The following SRGAP1 variants were observed in gnomAD, a reference collection of about 807,000 sequenced individuals.
The protein encoded by SRGAP1 is SLIT-ROBO Rho GTPase activating protein 1.
Under a neutral mutation model 121.9 loss-of-function variants are expected in SRGAP1, and 43 were observed. That is an observed-to-expected ratio of 0.35 (90% CI 0.28 to 0.46). The LOEUF (loss-of-function observed/expected upper bound fraction) is 0.46. Ranked by LOEUF, SRGAP1 falls within the 20% of genes least tolerant of loss-of-function variation. SRGAP1 has a pLI of 1.00. For missense variants in SRGAP1, 1,102 were observed against 1,350.9 expected (o/e 0.82, Z 2.89); for synonymous variants, 447 against 485.4 (o/e 0.92, Z 1.04).
Position 64,097,224 on chromosome 12 carries a change from T to TC in SRGAP1, c.1679-17_1679-16insC. Reference sequence around the variant, plus strand: ...AAGAAGCACTGTTAATGTAATGAGTTTTTTTTTTTTTTTTAGGTGAAAATC... The same window carrying TC: ...AAGAAGCACTGTTAATGTAATGAGTTCTTTTTTTTTTTTTTAGGTGAAAATC... On this transcript the variant is annotated splice_polypyrimidine_tract_variant and intron_variant, in intron 14 of 21. Coordinates refer to ENST00000355086, the MANE Select transcript of SRGAP1 (RefSeq NM_020762.4). 1.0e-6 allele frequency: 1 copy of TC among 994,758 alleles called. No homozygotes were observed. The highest frequency in any genetic ancestry group is 1.7e-5 in the African/African-American group (1 of 60,428). The allele number at this position is 994,758 out of a possible 1,614,324, so 61.6% of individuals were successfully genotyped here. A position where few individuals can be genotyped will look rare whatever the true frequency, so the allele number is the denominator to read the frequency against.
intron 1 of SRGAP1, among the ~76,000 whole-genome samples, chr12:63,914,272 C>G (rs1158331087): frequency 6.6e-6 from 1 of 152,144 alleles, no homozygotes. Context: ...TCACTTTTCC[C>G]TTCCAAATTC....
rs573510820 is a variant in SRGAP1 at position 63,877,197 on chromosome 12, T to C, written c.67+32314T>C. Among the ~76,000 whole-genome samples, 6 of 152,218 alleles carry C rather than the reference T, an allele frequency of 3.9e-5. 1 individual carries two copies. In the South Asian group the frequency reaches 1.0e-3, roughly 26 times the overall value. On this transcript the variant is annotated intron_variant, in intron 1 of 21. Coordinates refer to ENST00000355086, the MANE Select transcript of SRGAP1 (RefSeq NM_020762.4). The stretch of plus-strand genomic sequence containing the variant: ...CGAGATTGCGCCATTACACTCCAGC[T>C]TGGGCAACAAGAGTGAAACTCCATC...
At position 64,068,829 on chromosome 12, in the gene SRGAP1, G is replaced by T. The variant is rs1026047230; in HGVS notation, c.1125+3610G>T. ...GTTCGAGATCAGCCTGGCCAGCATG[G>T]CAAAACGCCGTCTCTACTAAAAATA... On this transcript the variant is annotated intron_variant, in intron 8 of 21. Transcript: ENST00000355086. Among the ~76,000 whole-genome samples, 8 of 151,620 alleles carry T rather than the reference G, an allele frequency of 5.3e-5. 1 individual carries two copies. Among genetic ancestry groups the T allele is most frequent in the African/African-American group, 1.5e-4 (6 of 41,338 alleles).
chr12:64,003,825 A>G (rs757284119), intron 3 of SRGAP1, among the ~76,000 whole-genome samples: 13 of 152,244 alleles, frequency 8.5e-5, no homozygotes, highest in Non-Finnish European at 1.5e-4. Flanking sequence ...CAAATTTGGC[A>G]AATGACATAA....
chr12:64,112,241 GATGTTATGTAGAGCT>G (rs2036441837), intron 17 of SRGAP1, among the ~76,000 whole-genome samples: 1 of 152,086 alleles, frequency 6.6e-6, no homozygotes, highest in African/African-American at 2.4e-5. Flanking sequence ...AAAGGGTTTT[GATGTTATGTAGAGCT>G]ATGTTAACTT....
chr12:64,004,572 A>T (rs1015854066), intron 3 of SRGAP1, among the ~76,000 whole-genome samples: 3 of 152,092 alleles, frequency 2.0e-5, no homozygotes, highest in African/African-American at 7.2e-5. Context: ...GGGTTTCACC[A>T]TGTTGGCCAA....
At chr12:63,885,480 A>C (rs1900347743) in intron 1 of SRGAP1, among the ~76,000 whole-genome samples, 2 of 152,194 alleles carry the variant, frequency 1.3e-5, no homozygotes, top group Non-Finnish European at 1.5e-5. Context: ...TGGAGGCTTC[A>C]TTACATAGGC....
chr12:64,142,783 C>A lies in SRGAP1; in HGVS notation c.*111C>A. The A allele has an allele frequency of 1.4e-6, 2 of 1,423,310 alleles. No individual in the cohort carries two copies. Among genetic ancestry groups the A allele is most frequent in the Non-Finnish European group, 1.9e-6 (2 of 1,060,806 alleles). The allele number at this position is 1,423,310 out of a possible 1,614,324, so 88.2% of individuals were successfully genotyped here. On this transcript the variant is annotated 3_prime_UTR_variant, in exon 22 of 22. Transcript: ENST00000355086. ...TAGTTTTGTGCTTATAACTGGAGAT[C>A]TTTTGGCTTTTCTATGTTGTCGAAT...
chr12:64,151,856 A>G lies in SRGAP1; in HGVS notation c.*9184A>G, dbSNP rs960592765. 2 of 152,212 alleles carry G rather than the reference A, an allele frequency of 1.3e-5. No homozygotes were observed. Among genetic ancestry groups the G allele is most frequent in the African/African-American group, 4.8e-5 (2 of 41,440 alleles). The allele number at this position is 152,212 out of a possible 1,614,324, so 9.4% of individuals were successfully genotyped here. A position where few individuals can be genotyped will look rare whatever the true frequency, so the allele number is the denominator to read the frequency against. ...CACCTTAAGCTCAACAGACCCAAAA[A>G]TTAAACCCACTTTGTTTCATTCCAA... On this transcript the variant is annotated 3_prime_UTR_variant, in exon 22 of 22. Transcript: ENST00000355086.
intron 1 of SRGAP1, among the ~76,000 whole-genome samples, chr12:63,980,596 C>CTTT (rs1289101775): frequency 2.2e-5 from 3 of 136,368 alleles, no homozygotes; most frequent in Admixed American, 1.5e-4. Flanking sequence ...CGAGATGTTT[C>CTTT]TTTTTTTTTT....
At chr12:63,857,130 A>G (rs1592886795) in intron 1 of SRGAP1, among the ~76,000 whole-genome samples, 2 of 149,950 alleles carry the variant, frequency 1.3e-5, no homozygotes, top group South Asian at 4.2e-4. Flanking sequence ...CCCAGGCTGG[A>G]GTGCACTGGC....
intron 1 of SRGAP1, among the ~76,000 whole-genome samples, chr12:63,936,305 A>G (rs2031659957): frequency 6.6e-6 from 1 of 152,232 alleles, no homozygotes; most frequent in Non-Finnish European, 1.5e-5. Context: ...ATAGGTTATT[A>G]CTGCATCAGA....
At chr12:63,920,212 G>A (rs964058807) in intron 1 of SRGAP1, among the ~76,000 whole-genome samples, 1 of 152,194 alleles carries the variant, frequency 6.6e-6, no homozygotes, top group African/African-American at 2.4e-5. Context: ...GTATAACATT[G>A]CATTGTGGTC....
At chr12:63,910,577 T>C (rs1467057465) in intron 1 of SRGAP1, among the ~76,000 whole-genome samples, 1 of 152,194 alleles carries the variant, frequency 6.6e-6, no homozygotes, top group African/African-American at 2.4e-5. Context: ...TAATACTAGG[T>C]GTTTTGAAAC....
intron 18 of SRGAP1, among the ~76,000 whole-genome samples, chr12:64,120,963 T>C (rs1393068124): frequency 6.6e-6 from 1 of 151,992 alleles, no homozygotes; most frequent in Non-Finnish European, 1.5e-5. Flanking sequence ...GTAATTAAGG[T>C]ATCTAGTGTC....
At position 64,095,197 on chromosome 12, in the gene SRGAP1, T is replaced by G. The variant is rs1472516366; in HGVS notation, c.1671T>G (p.Phe557Leu). Residue 557 changes from phenylalanine to leucine, a missense_variant, in exon 14 of 22, where the codon TTT (phenylalanine) becomes TTG (leucine). Phe to Leu is a conservative substitution (Grantham distance 22). Transcript: ENST00000355086. ...QVEVNDIKNS[F>L]ERGENPLADD... ...AAGTCAATGATATTAAAAATTCATT[T>G]GAGAGAGGTAATTGCACGTCTATCC... The G allele has an allele frequency of 2.5e-6, 4 of 1,613,748 alleles. No individual in the cohort carries two copies. The highest frequency in any genetic ancestry group is 1.7e-5 in the Admixed American group (1 of 59,984).
At chr12:63,981,655 C>G (rs1456721497) in intron 1 of SRGAP1, among the ~76,000 whole-genome samples, 1 of 152,146 alleles carries the variant, frequency 6.6e-6, no homozygotes, top group African/African-American at 2.4e-5. Context: ...AGTTAAAAGC[C>G]TGTAATAATG....
chr12:63,970,449 G>T (rs2032912979), intron 1 of SRGAP1, among the ~76,000 whole-genome samples: 1 of 152,140 alleles, frequency 6.6e-6, no homozygotes, highest in African/African-American at 2.4e-5. Context: ...AGAGGTATGA[G>T]ATTAAAAAAT....
rs558248193 is a variant in SRGAP1, at chr12:64,044,674, C to CTTTTTTT, written c.801+1118_801+1124dup. Among the ~76,000 whole-genome samples, 20 of 72,122 alleles carry CTTTTTTT rather than the reference C, an allele frequency of 2.8e-4. 1 individual carries two copies. Among genetic ancestry groups the CTTTTTTT allele is most frequent in the South Asian group, 9.8e-4 (2 of 2,048 alleles). 47.3% of individuals were successfully genotyped at this position (72,122 alleles called of 152,430 possible). A position where few individuals can be genotyped will look rare whatever the true frequency, so the allele number is the denominator to read the frequency against. On this transcript the variant is annotated intron_variant, in intron 6 of 21. Coordinates refer to ENST00000355086, the MANE Select transcript of SRGAP1 (RefSeq NM_020762.4). Reference sequence around the variant, plus strand: ...AGCTTATTAACACTCTGATGTGCCTCTTTTTTTTTTTTTTTTTTTTTTTTT... The same window carrying CTTTTTTT: ...AGCTTATTAACACTCTGATGTGCCTCTTTTTTTTTTTTTTTTTTTTTTTTTTTTTTTT...
Sources: gnomAD v4.1 joint callset for allele counts (sites outside exome capture counted in the v4.1 genomes callset) on GRCh38, gnomAD v4.1.1 for gene constraint, MANE v1.5 for transcripts, NCBI Gene and HGNC (gene_info 2026-07-23, HGNC 2026-07-21) for gene names.